Variants in DMRT1 observed in about 807,000 individuals in gnomAD.
DMRT1 encodes the protein doublesex and mab-3 related transcription factor 1, also known as doublesex- and mab-3-related transcription factor 1.
DMRT1 carries 7 observed loss-of-function variants against 32.3 expected under a neutral mutation model. That is an observed-to-expected ratio of 0.22 (90% CI 0.12 to 0.41). The LOEUF is 0.41. Among genes scored for constraint, DMRT1 ranks in the 10% least tolerant of loss-of-function variants. The pLI is 1.00. For synonymous variants in DMRT1, 278 were observed against 206.1 expected (o/e 1.35, Z -2.99); for missense variants, 625 against 500.5 (o/e 1.25, Z -2.37).
chr9:956,716 G>T (rs1013148774), intron 4 of DMRT1, among the ~76,000 whole-genome samples: 1 of 152,150 alleles, frequency 6.6e-6, no homozygotes, highest in African/African-American at 2.4e-5. Flanking sequence ...TTGACCAGGG[G>T]AAGAAATAAT....
chr9:922,725 C>T (rs527429331), intron 4 of DMRT1, among the ~76,000 whole-genome samples: 3 of 152,228 alleles, frequency 2.0e-5, no homozygotes, highest in East Asian at 1.9e-4. Flanking sequence ...GGCAGCCTGC[C>T]GTGCAACTTC....
chr9:948,361 C>T (rs922726313), intron 4 of DMRT1, among the ~76,000 whole-genome samples: 2 of 152,134 alleles, frequency 1.3e-5, no homozygotes, highest in African/African-American at 2.4e-5. Context: ...TTTCTCCTCT[C>T]CTCTCCACAG....
intron 4 of DMRT1, among the ~76,000 whole-genome samples, chr9:932,148 C>A (rs1818746030): frequency 6.6e-6 from 1 of 152,196 alleles, no homozygotes; most frequent in Non-Finnish European, 1.5e-5. Flanking sequence ...CTCTTCTTTT[C>A]CTCATTTAAC....
At chr9:879,927 A>G (rs1816663084) in intron 2 of DMRT1, among the ~76,000 whole-genome samples, 2 of 152,236 alleles carry the variant, frequency 1.3e-5, no homozygotes, top group Non-Finnish European at 2.9e-5. Context: ...ACATTCATTA[A>G]TACTACTGCT....
intron 2 of DMRT1, among the ~76,000 whole-genome samples, chr9:881,710 ATATT>A (rs1816742499): frequency 6.6e-6 from 1 of 152,248 alleles, no homozygotes; most frequent in African/African-American, 2.4e-5. Flanking sequence ...AGTGTACGAA[ATATT>A]TAAAAGGTTC....
At chr9:847,352 G>C (rs1838952462) in intron 2 of DMRT1, among the ~76,000 whole-genome samples, 2 of 152,328 alleles carry the variant, frequency 1.3e-5, no homozygotes, top group Middle Eastern at 3.4e-3. Flanking sequence ...ACTCTTTCCT[G>C]TTGGTTATTA....
intron 4 of DMRT1, among the ~76,000 whole-genome samples, chr9:937,143 C>G (rs567976647): frequency 3.3e-5 from 5 of 152,310 alleles, no homozygotes; most frequent in African/African-American, 1.2e-4. Flanking sequence ...ACGGTGTTTT[C>G]AAGGTTCATC....
chr9:850,848 G>C (rs1267879865), intron 2 of DMRT1, among the ~76,000 whole-genome samples: 1 of 151,958 alleles, frequency 6.6e-6, no homozygotes, highest in Admixed American at 6.6e-5. Flanking sequence ...GGCCAACATG[G>C]CGAAACCCCA....
At chr9:854,572 T>C (rs1352146969) in intron 2 of DMRT1, among the ~76,000 whole-genome samples, 1 of 152,194 alleles carries the variant, frequency 6.6e-6, no homozygotes, top group African/African-American at 2.4e-5. Context: ...AAGCGTTTTA[T>C]ACAAATTGGA....
intron 3 of DMRT1, among the ~76,000 whole-genome samples, chr9:911,274 C>T (rs1470057872): frequency 6.6e-6 from 1 of 152,066 alleles, no homozygotes; most frequent in East Asian, 1.9e-4. Context: ...TTGCCAGATG[C>T]CCTGTGGAGG....
At chr9:847,435 CCT>C (rs1564193565) in intron 2 of DMRT1, among the ~76,000 whole-genome samples, 1 of 152,146 alleles carries the variant, frequency 6.6e-6, no homozygotes, top group African/African-American at 2.4e-5. Flanking sequence ...TCAGTCCACC[CCT>C]TCATTTTCCA....
At chr9:927,779 G>A (rs1818576216) in intron 4 of DMRT1, among the ~76,000 whole-genome samples, 1 of 152,166 alleles carries the variant, frequency 6.6e-6, no homozygotes. Flanking sequence ...GAATCTTTGG[G>A]GGGAACTAGA....
chr9:952,277 G>C (rs73380483), intron 4 of DMRT1, among the ~76,000 whole-genome samples: 2 of 152,164 alleles, frequency 1.3e-5, no homozygotes, highest in African/African-American at 4.8e-5. Context: ...CCTTTTATGC[G>C]TGAGTTTTAG....
intron 4 of DMRT1, among the ~76,000 whole-genome samples, chr9:935,895 A>T (rs1818870390): frequency 6.6e-6 from 1 of 152,230 alleles, no homozygotes; most frequent in East Asian, 1.9e-4. Context: ...CACTGCTGTG[A>T]AACCAGAGAG....
At chr9:918,571 A>C (rs1482938672) in intron 4 of DMRT1, among the ~76,000 whole-genome samples, 1 of 152,182 alleles carries the variant, frequency 6.6e-6, no homozygotes, top group East Asian at 1.9e-4. Context: ...AAAGAAGAAT[A>C]GGTGAATACC....
chr9:879,781 C>G (rs150025739), intron 2 of DMRT1, among the ~76,000 whole-genome samples: 1 of 152,212 alleles, frequency 6.6e-6, no homozygotes, highest in African/African-American at 2.4e-5. Context: ...CATAGACTCT[C>G]TTATACTTTG....
chr9:857,654 T>C (rs932716449), intron 2 of DMRT1, among the ~76,000 whole-genome samples: 2 of 152,034 alleles, frequency 1.3e-5, no homozygotes, highest in Admixed American at 6.6e-5. Flanking sequence ...ACTTTAAGTT[T>C]TAGGGTACAT....
chr9:890,409 CAG>C (rs1200516823), intron 2 of DMRT1, among the ~76,000 whole-genome samples: 2 of 152,198 alleles, frequency 1.3e-5, no homozygotes, highest in Non-Finnish European at 2.9e-5. Context: ...TAGAATAAAA[CAG>C]TGGTTTGGGA....
At chr9:901,888 A>ACCAT (rs1554754034) in intron 3 of DMRT1, among the ~76,000 whole-genome samples, 1 of 144,872 alleles carries the variant, frequency 6.9e-6, no homozygotes, top group Non-Finnish European at 1.5e-5. Flanking sequence ...CATGGCCCAC[A>ACCAT]CCATCAGCAA....
Sources: allele counts gnomAD v4.1 joint callset (sites outside exome capture counted in the v4.1 genomes callset), GRCh38; gene constraint gnomAD v4.1.1; transcripts MANE v1.5; gene names NCBI Gene and HGNC (gene_info 2026-07-23, HGNC 2026-07-21).